The following GHR variants were observed in gnomAD, a reference collection of about 807,000 sequenced individuals.
GHR encodes growth hormone receptor, also known as GH receptor.
In GHR, 35 loss-of-function variants were observed where a neutral mutation model predicts 67.1. The observed-to-expected ratio is 0.52, with a 90% CI of 0.40 to 0.69. GHR has a LOEUF of 0.69. Among genes scored for constraint, GHR ranks in the 30% least tolerant of loss-of-function variants. The pLI is 0.00. For missense variants in GHR, 792 were observed against 764.6 expected (o/e 1.04, Z -0.42); for synonymous variants, 272 against 269.1 (o/e 1.01, Z -0.10).
At chr5:42,554,103 A>G (rs1430832652) in intron 1 of GHR, among the ~76,000 whole-genome samples, 1 of 152,192 alleles carries the variant, frequency 6.6e-6, no homozygotes, top group Non-Finnish European at 1.5e-5. Flanking sequence ...CTTTAGAATT[A>G]TACAAGAAAA....
At position 42,468,398 on chromosome 5, in the gene GHR, T is replaced by G. The variant is rs576486665; in HGVS notation, c.-12+44443T>G. 2.2e-5 allele frequency: 26 copies of G among 1,182,684 alleles called. No individual in the cohort carries two copies. The African/African-American group carries it at 3.4e-4, about 15-fold the overall frequency. 73.3% of individuals were successfully genotyped at this position (1,182,684 alleles called of 1,614,324 possible). ...GGTCAAACCCCATCTAAGCTTTATG[T>G]TTCAAAAGCTTCTTCTTGAGTTTCC... is the stretch of plus-strand genomic sequence containing the variant. On this transcript the variant is annotated intron_variant, in intron 1 of 9. Transcript: ENST00000230882.
chr5:42,501,246 T>G (rs1280865645), intron 1 of GHR, among the ~76,000 whole-genome samples: 1 of 152,182 alleles, frequency 6.6e-6, no homozygotes, highest in African/African-American at 2.4e-5. Context: ...TCAATCATAT[T>G]CAAGTGTTCA....
At chr5:42,609,994 C>G (rs1752812877) in intron 2 of GHR, among the ~76,000 whole-genome samples, 1 of 152,144 alleles carries the variant, frequency 6.6e-6, no homozygotes, top group Non-Finnish European at 1.5e-5. Context: ...AGGGCCTTGA[C>G]AGCTAAGGCT....
chr5:42,609,630 T>C (rs948092597), intron 2 of GHR, among the ~76,000 whole-genome samples: 1 of 152,128 alleles, frequency 6.6e-6, no homozygotes, highest in African/African-American at 2.4e-5. Context: ...GGATGAAGTG[T>C]CCTCATTGAT....
In GHR at chr5:42,484,992, G is replaced by A. The variant is rs970343191; in HGVS notation, c.-12+61037G>A. Among the ~76,000 whole-genome samples the A allele has an allele frequency of 2.6e-5, 4 of 152,296 alleles. No homozygotes were observed. The East Asian group carries it at 7.7e-4, about 29-fold the overall frequency. On this transcript the variant is annotated intron_variant, in intron 1 of 9. Transcript: ENST00000230882. ...ATTCCTTTACTTTACGGCCAGGCAGGAAGAATCCTGAGAGAGGTCTTTACT... is the reference window on the plus strand; with the variant it reads ...ATTCCTTTACTTTACGGCCAGGCAGAAAGAATCCTGAGAGAGGTCTTTACT...
At chr5:42,503,156 C>A (rs1746613479) in intron 1 of GHR, among the ~76,000 whole-genome samples, 1 of 152,140 alleles carries the variant, frequency 6.6e-6, no homozygotes, top group South Asian at 2.1e-4. Flanking sequence ...CAAATCGCTT[C>A]CTTATGCTCA....
chr5:42,450,865 C>G (rs1180978565), intron 1 of GHR, among the ~76,000 whole-genome samples: 1 of 152,068 alleles, frequency 6.6e-6, no homozygotes, highest in Non-Finnish European at 1.5e-5. Context: ...TTTTAATTTT[C>G]ATCTTGATTT....
intron 3 of GHR, among the ~76,000 whole-genome samples, chr5:42,663,487 C>G (rs987143277): frequency 1.3e-5 from 2 of 152,152 alleles, no homozygotes; most frequent in Non-Finnish European, 2.9e-5. Context: ...GAACCAAAGA[C>G]AAAAACCACA....
chr5:42,471,861 G>A (rs980860501), intron 1 of GHR, among the ~76,000 whole-genome samples: 5 of 152,166 alleles, frequency 3.3e-5, no homozygotes, highest in African/African-American at 1.2e-4. Context: ...CCCTAATGGA[G>A]AACTATAGCT....
At chr5:42,502,503 C>A (rs1009663352) in intron 1 of GHR, among the ~76,000 whole-genome samples, 2 of 152,068 alleles carry the variant, frequency 1.3e-5, no homozygotes, top group African/African-American at 4.8e-5. Flanking sequence ...TTTGCCTAAT[C>A]ATATTTAGAA....
intron 2 of GHR, among the ~76,000 whole-genome samples, chr5:42,581,845 TG>T (rs1399772679): frequency 1.3e-5 from 2 of 152,258 alleles, no homozygotes; most frequent in East Asian, 3.9e-4. Flanking sequence ...CCTCTAGACC[TG>T]GGCATCCCCG....
chr5:42,674,811 T>G (rs558792574), intron 3 of GHR, among the ~76,000 whole-genome samples: 2 of 152,158 alleles, frequency 1.3e-5, no homozygotes, highest in Admixed American at 6.5e-5. Context: ...TTATGAGCAT[T>G]CTTGCACATG....
chr5:42,718,635 C>T lies in GHR; in HGVS notation c.1128C>T (p.Asn376=), dbSNP rs1366705342. The change falls in exon 10 of 10, where the codon AAC becomes AAT. Residue 376 remains asparagine (N), a synonymous_variant. Transcript: ENST00000230882. The stretch of plus-strand genomic sequence containing the variant: ...GTGACCATGAGAAATCACATAGTAA[C>T]CTAGGGGTGAAGGATGGCGACTCTG... ...LSSDHEKSHS[N]LGVKDGDSGR... 1 of 1,614,006 alleles carries T rather than the reference C, an allele frequency of 6.2e-7. No individual in the cohort carries two copies. Among genetic ancestry groups the T allele is most frequent in the East Asian group, 2.2e-5 (1 of 44,878 alleles).
intron 1 of GHR, among the ~76,000 whole-genome samples, chr5:42,519,880 C>A (rs4552612): frequency 6.6e-6 from 1 of 152,198 alleles, no homozygotes; most frequent in East Asian, 1.9e-4. Context: ...AATTAAATGA[C>A]CATAAGTACA....
chr5:42,592,252 C>T (rs1291195866), intron 2 of GHR, among the ~76,000 whole-genome samples: 1 of 152,134 alleles, frequency 6.6e-6, no homozygotes, highest in African/African-American at 2.4e-5. Context: ...TAACATCTCC[C>T]ATGTTTTTTT....
At chr5:42,441,583 C>T (rs1217386988) in intron 1 of GHR, among the ~76,000 whole-genome samples, 1 of 151,894 alleles carries the variant, frequency 6.6e-6, no homozygotes, top group Non-Finnish European at 1.5e-5. Context: ...GATCTTGGCT[C>T]ACTGCAAGCT....
chr5:42,457,273 A>G lies in GHR; in HGVS notation c.-12+33318A>G, dbSNP rs190766458. Among the ~76,000 whole-genome samples the G allele has an allele frequency of 1.4e-4, 21 of 152,314 alleles. No homozygotes were observed. The East Asian group carries it at 3.5e-3, about 25-fold the overall frequency. ...GAATTACTAGAATTTTACATTTTAT[A>G]GGTTCAAAATATGCACTTGAATTCT... On this transcript the variant is annotated intron_variant, in intron 1 of 9. Transcript: ENST00000230882.
chr5:42,617,640 C>CACATTCG (rs34683494), intron 2 of GHR, among the ~76,000 whole-genome samples: 6,540 of 152,184 alleles, frequency 0.043, 202 homozygotes, highest in Middle Eastern at 0.088. Context: ...CTTCTTTTCC[C>CACATTCG]ACATTCGATC....
At chr5:42,597,934 TTAATATG>T (rs1322110485) in intron 2 of GHR, among the ~76,000 whole-genome samples, 3 of 152,160 alleles carry the variant, frequency 2.0e-5, no homozygotes, top group Admixed American at 6.5e-5. Flanking sequence ...TACAAAATAG[TTAATATG>T]CAGAAATGAA....
Sources: allele counts gnomAD v4.1 joint callset (sites outside exome capture counted in the v4.1 genomes callset), GRCh38; gene constraint gnomAD v4.1.1; transcripts MANE v1.5; gene names NCBI Gene and HGNC (gene_info 2026-07-23, HGNC 2026-07-21).